The following IL26 variants were observed in gnomAD, a reference collection of about 807,000 sequenced individuals.
The protein encoded by IL26 is interleukin-26.
IL26 carries 23 observed loss-of-function variants against 21.7 expected under a neutral mutation model. The observed-to-expected ratio is 1.06, with a 90% CI of 0.76 to 1.50. The LOEUF (loss-of-function observed/expected upper bound fraction) is 1.50. Among genes scored for constraint, IL26 ranks in the 40% most tolerant of loss-of-function variants. The pLI, the probability that IL26 is intolerant of heterozygous loss-of-function variation, is 0.00. For missense variants in IL26, 204 were observed against 196.0 expected (o/e 1.04, Z -0.24); for synonymous variants, 63 against 67.8 (o/e 0.93, Z 0.34).
rs1001775000 is a variant in IL26, at chr12:68,225,593, G to A, written c.164C>T (p.Thr55Met). 1.7e-5 allele frequency: 28 copies of A among 1,613,798 alleles called. No homozygotes were observed. Among genetic ancestry groups the A allele is most frequent in the East Asian group, 2.2e-5 (1 of 44,894 alleles). ...LYIKAAWLKA[T>M]IPEDRIKNIR... Reference sequence around the variant, plus strand: ...GCAGAGCCTAATACTTACTGGAATCGTTGCTTTGAGCCATGCTGCTTTGAT... The same window carrying A: ...GCAGAGCCTAATACTTACTGGAATCATTGCTTTGAGCCATGCTGCTTTGAT... The change falls in exon 1 of 5, where the codon ACG becomes ATG. Residue 55 changes from threonine to methionine, a missense_variant. Physicochemically the swap from Thr to Met is moderately conservative, Grantham distance 81. Coordinates refer to ENST00000229134, the MANE Select transcript of IL26 (RefSeq NM_018402.2).
At chr12:68,217,240 G>A (rs564251375) in intron 3 of IL26, among the ~76,000 whole-genome samples, 5 of 152,282 alleles carry the variant, frequency 3.3e-5, no homozygotes, top group African/African-American at 1.2e-4. Context: ...TCCAGTCCTT[G>A]GAGTCTATCA....
chr12:68,219,847 G>C (rs1430290733), intron 3 of IL26, among the ~76,000 whole-genome samples: 1 of 151,704 alleles, frequency 6.6e-6, no homozygotes, highest in Non-Finnish European at 1.5e-5. Flanking sequence ...AAAAAATAAA[G>C]ACAAAAATTA....
chr12:68,209,485 C>T (rs546834347), intron 3 of IL26, among the ~76,000 whole-genome samples: 1 of 152,106 alleles, frequency 6.6e-6, no homozygotes, highest in African/African-American at 2.4e-5. Context: ...AGCAAGGAGC[C>T]GACAAGTCTA....
At chr12:68,223,492 C>T (rs771368023) in intron 3 of IL26, among the ~76,000 whole-genome samples, 1 of 152,140 alleles carries the variant, frequency 6.6e-6, no homozygotes, top group South Asian at 2.1e-4. Context: ...TTATAACTGT[C>T]GCTATGTGTT....
rs1162829957 is a variant in IL26, at chr12:68,201,917, T to A, written c.444A>T (p.Gly148=). 6.3e-7 allele frequency: 1 copy of A among 1,599,640 alleles called. No individual in the cohort carries two copies. Among genetic ancestry groups the A allele is most frequent in the Non-Finnish European group, 8.5e-7 (1 of 1,175,540 alleles). ...KRIFYRIGNK[G]IYKAISELDI... ...CCAGTTCACTGATGGCTTTGTAGAT[T>A]CCTTTGTTTCCAATCTGCAGATAAA... Residue 148 remains glycine (G), a synonymous_variant, in exon 5 of 5, where the codon GGA becomes GGT. Transcript: ENST00000229134.
Position 68,225,670 on chromosome 12 carries a change from G to A in IL26, c.87C>T (p.Thr29=), listed in dbSNP as rs11570981. ...AIAKHKQSSF[T]KSCYPRGTLS... ...ATGTTCCCCTTGGGTAACAACTTTT[G>A]GTGAAGGAAGATTGCTTGTGCTTGG... The change falls in exon 1 of 5, where the codon ACC becomes ACT. Residue 29 remains threonine (T), a synonymous_variant. Transcript: ENST00000229134. 7,761 of 1,613,972 alleles carry A rather than the reference G, an allele frequency of 4.8e-3. 309 individuals are homozygous for A. The African/African-American group carries it at 0.087, about 18-fold the overall frequency.
rs6144754 is a variant in IL26, at chr12:68,204,141, A to ATTTTTTTTTTTTTTTTTTTTT, written c.364-2059_364-2058insAAAAAAAAAAAAAAAAAAAAA. Among the ~76,000 whole-genome samples, 34 of 113,190 alleles carry ATTTTTTTTTTTTTTTTTTTTT rather than the reference A, an allele frequency of 3.0e-4. 1 individual carries two copies. Among genetic ancestry groups the ATTTTTTTTTTTTTTTTTTTTT allele is most frequent in the African/African-American group, 6.6e-4 (19 of 28,830 alleles). The allele number at this position is 113,190 out of a possible 152,430, so 74.3% of individuals were successfully genotyped here. ...TAAAATCATGTGTTAGGATTCAAAG[A>ATTTTTTTTTTTTTTTTTTTTT]TTTTTTTTTTTTTTTTTTTTGAGGC... On this transcript the variant is annotated intron_variant, in intron 3 of 4. Transcript: ENST00000229134.
At chr12:68,217,818 T>C (rs376939996) in intron 3 of IL26, among the ~76,000 whole-genome samples, 4 of 152,066 alleles carry the variant, frequency 2.6e-5, no homozygotes, top group South Asian at 4.1e-4. Flanking sequence ...GGAGAATATA[T>C]TAAATGACAC....
intron 3 of IL26, among the ~76,000 whole-genome samples, chr12:68,220,682 G>T (rs1051384197): frequency 6.6e-6 from 1 of 152,228 alleles, no homozygotes; most frequent in South Asian, 2.1e-4. Context: ...TGTCATCCAG[G>T]TTGGAGTGCA....
chr12:68,205,973 G>A (rs1021478915), intron 3 of IL26, among the ~76,000 whole-genome samples: 1 of 152,096 alleles, frequency 6.6e-6, no homozygotes, highest in Non-Finnish European at 1.5e-5. Context: ...GCTAATTCCT[G>A]TGGTGCAGTG....
At chr12:68,224,116 C>A (rs1043095365) in intron 3 of IL26, among the ~76,000 whole-genome samples, 2 of 151,006 alleles carry the variant, frequency 1.3e-5, no homozygotes, top group Admixed American at 1.3e-4. Flanking sequence ...TTCCAACTGG[C>A]TTCCCAAGGA....
intron 3 of IL26, among the ~76,000 whole-genome samples, chr12:68,219,504 G>A (rs994301287): frequency 6.6e-6 from 1 of 151,746 alleles, no homozygotes; most frequent in Non-Finnish European, 1.5e-5. Context: ...GCACAACATA[G>A]CAAAGATTGT....
chr12:68,217,560 T>C (rs1868920328), intron 3 of IL26, among the ~76,000 whole-genome samples: 1 of 152,176 alleles, frequency 6.6e-6, no homozygotes, highest in Admixed American at 6.5e-5. Context: ...ATTCTATTTA[T>C]TGAATTATCC....
chr12:68,224,979 T>C lies in IL26; in HGVS notation c.363+170A>G, dbSNP rs578224379. On this transcript the variant is annotated intron_variant, in intron 3 of 4. Coordinates refer to ENST00000229134, the MANE Select transcript of IL26 (RefSeq NM_018402.2). ...TAATAAATAGCAGCATTCTGAGTAATGTACAGTTATTTAATGCTATTTCCC... is the reference window on the plus strand; with the variant it reads ...TAATAAATAGCAGCATTCTGAGTAACGTACAGTTATTTAATGCTATTTCCC... Among the ~76,000 whole-genome samples the C allele has an allele frequency of 1.4e-3, 212 of 152,352 alleles. 1 individual carries two copies. The highest frequency in any genetic ancestry group is 2.0e-3 in the Non-Finnish European group (136 of 68,036).
At chr12:68,223,883 G>GTTTTTT (rs201652400) in intron 3 of IL26, among the ~76,000 whole-genome samples, 9 of 81,892 alleles carry the variant, frequency 1.1e-4, no homozygotes, top group African/African-American at 1.4e-4. Flanking sequence ...TAAATTTGGT[G>GTTTTTT]GTTTTTTTTT....
At chr12:68,218,893 G>A (rs1031778516) in intron 3 of IL26, among the ~76,000 whole-genome samples, 2 of 152,006 alleles carry the variant, frequency 1.3e-5, no homozygotes, top group Admixed American at 6.5e-5. Flanking sequence ...GAAAGCTGGA[G>A]TGATTCTATT....
chr12:68,224,862 A>G (rs1291983723), intron 3 of IL26, among the ~76,000 whole-genome samples: 1 of 152,226 alleles, frequency 6.6e-6, no homozygotes, highest in Middle Eastern at 3.2e-3. Flanking sequence ...GGAATCACAT[A>G]ATGAGAGAAT....
chr12:68,215,342 T>C (rs1273086246), intron 3 of IL26, among the ~76,000 whole-genome samples: 1 of 152,146 alleles, frequency 6.6e-6, no homozygotes, highest in Non-Finnish European at 1.5e-5. Context: ...GGGAGGGGCA[T>C]TGTGGATGTA....
At chr12:68,209,451 T>C (rs994988093) in intron 3 of IL26, among the ~76,000 whole-genome samples, 2 of 152,164 alleles carry the variant, frequency 1.3e-5, no homozygotes, top group Non-Finnish European at 2.9e-5. Flanking sequence ...TTCTTTTAAC[T>C]CAAGATACAA....
Sources: allele counts gnomAD v4.1 joint callset (sites outside exome capture counted in the v4.1 genomes callset), GRCh38; gene constraint gnomAD v4.1.1; transcripts MANE v1.5; gene names NCBI Gene and HGNC (gene_info 2026-07-23, HGNC 2026-07-21).